The following MOK variants were observed in gnomAD, a reference collection of about 807,000 sequenced individuals.
The protein encoded by MOK is MAPK/MAK/MRK overlapping kinase.
MOK carries 59 observed loss-of-function variants against 54.2 expected under a neutral mutation model. That is an observed-to-expected ratio of 1.09 (90% CI 0.88 to 1.35). The LOEUF (loss-of-function observed/expected upper bound fraction) is 1.35, where lower values mean the gene tolerates loss of function less well. Among genes scored for constraint, MOK ranks in the 40% most tolerant of loss-of-function variants. MOK has a pLI of 0.00. For synonymous variants in MOK, 210 were observed against 202.7 expected (o/e 1.04, Z -0.31); for missense variants, 517 against 526.2 (o/e 0.98, Z 0.17).
At chr14:102,287,592 G>A (rs2070269851) in intron 1 of MOK, among the ~76,000 whole-genome samples, 1 of 152,098 alleles carries the variant, frequency 6.6e-6, no homozygotes, top group South Asian at 2.1e-4. Context: ...CTCCAAAGAA[G>A]ACATAAAAAT....
intron 2 of MOK, chr14:102,280,654 A>T (rs2069319013): frequency 6.6e-6 from 1 of 152,242 alleles, no homozygotes; most frequent in South Asian, 2.1e-4. Context: ...CCACCTTGTT[A>T]GCTTTCTGTT....
chr14:102,277,610 T>C (rs1205094733), intron 2 of MOK, among the ~76,000 whole-genome samples: 1 of 144,080 alleles, frequency 6.9e-6, no homozygotes, highest in Non-Finnish European at 1.5e-5. Context: ...AGAGCAAGAC[T>C]CCGTCTCAAA....
chr14:102,265,627 C>T (rs748827514), intron 3 of MOK, among the ~76,000 whole-genome samples, 196 bp downstream of exon 3: 4 of 151,840 alleles, frequency 2.6e-5, no homozygotes, highest in African/African-American at 4.8e-5. Flanking sequence ...AGAGAGACTC[C>T]TTCTCAAAAA....
intron 2 of MOK, among the ~76,000 whole-genome samples, chr14:102,266,400 G>A (rs1009477983): frequency 1.3e-5 from 2 of 151,322 alleles, no homozygotes; most frequent in Non-Finnish European, 2.9e-5. Context: ...AACCTTCCAG[G>A]CTCAGGTGAT....
intron 4 of MOK, among the ~76,000 whole-genome samples, chr14:102,252,484 T>C (rs1234522897): frequency 6.6e-6 from 1 of 152,056 alleles, no homozygotes; most frequent in African/African-American, 2.4e-5. Context: ...AATGGCATGA[T>C]CTCATTTAAA....
chr14:102,217,678 G>C, the MOK span, among the ~76,000 whole-genome samples: 1 of 152,228 alleles, frequency 6.6e-6, no homozygotes, highest in East Asian at 1.9e-4. Context: ...TTCGGGTGCC[G>C]TGAATAAACC....
intron 2 of MOK, among the ~76,000 whole-genome samples, chr14:102,271,359 C>T (rs1038709794): frequency 5.9e-5 from 9 of 152,034 alleles, no homozygotes; most frequent in South Asian, 2.1e-4. Context: ...TTTATCACTA[C>T]GAATGATGTT....
At chr14:102,216,668 G>A in the MOK span, among the ~76,000 whole-genome samples, 1 of 152,220 alleles carries the variant, frequency 6.6e-6, no homozygotes, top group African/African-American at 2.4e-5. Context: ...GGTGGCTCAT[G>A]CCTGTAATCC....
At position 102,305,088 on chromosome 14, in the gene MOK, G is replaced by T. The variant is rs991111107; in HGVS notation, c.-120C>A. The stretch of plus-strand genomic sequence containing the variant: ...CGGGGTCCCGCACTAGGATCTCCGT[G>T]GTGGTCCCTCGAAGGAGAGCGTTAG... On this transcript the variant is annotated 5_prime_UTR_variant, in exon 1 of 12. Transcript: ENST00000361847. 2.5e-6 allele frequency: 3 copies of T among 1,213,058 alleles called. No homozygotes were observed. The highest frequency in any genetic ancestry group is 2.5e-5 in the East Asian group (1 of 39,486). The allele number at this position is 1,213,058 out of a possible 1,614,324, so 75.1% of individuals were successfully genotyped here. A position where few individuals can be genotyped will look rare whatever the true frequency, so the allele number is the denominator to read the frequency against.
At chr14:102,248,957 G>A (rs1156649131) in intron 7 of MOK, among the ~76,000 whole-genome samples, 1 of 151,974 alleles carries the variant, frequency 6.6e-6, no homozygotes, top group Non-Finnish European at 1.5e-5. Context: ...CCTACAGTCA[G>A]GACATGGCCA....
chr14:102,252,541 CT>C lies in MOK; in HGVS notation c.284-547del, dbSNP rs33915924. ...TAATGGAAAATCCCTTTTTATTTTTCTTTTTGGCAGTTTATAGAGGCTTCTT... is the reference window on the plus strand; with the variant it reads ...TAATGGAAAATCCCTTTTTATTTTTCTTTTGGCAGTTTATAGAGGCTTCTT... On this transcript the variant is annotated intron_variant, in intron 4 of 11. Coordinates refer to ENST00000361847, the MANE Select transcript of MOK (RefSeq NM_014226.3). Among the ~76,000 whole-genome samples the C allele has an allele frequency of 6.4e-3, 975 of 151,466 alleles. 12 individuals carry two copies. The highest frequency in any genetic ancestry group is 0.023 in the African/African-American group (934 of 41,372).
downstream of MOK, among the ~76,000 whole-genome samples, chr14:102,220,719 CAAAAAA>C (rs35097607): frequency 2.0e-4 from 22 of 111,712 alleles, no homozygotes; most frequent in African/African-American, 6.3e-4. The surrounding 1 kb of genome is among the most constrained non-coding windows in gnomAD (Gnocchi z 4.2). Context: ...GACTCCGTCT[CAAAAAA>C]AAAAAAAAAA....
At chr14:102,278,628 G>A (rs930276987) in intron 2 of MOK, 12 of 454,148 alleles carry the variant, frequency 2.6e-5, no homozygotes, top group African/African-American at 1.8e-4. Flanking sequence ...TCAGCTCCAC[G>A]ACGTGTAGGT....
At chr14:102,228,571 A>G (rs993501369), downstream of MOK, among the ~76,000 whole-genome samples, 2 of 152,028 alleles carry the variant, frequency 1.3e-5, no homozygotes, top group Non-Finnish European at 2.9e-5. Flanking sequence ...GTGGTGGTGC[A>G]TGCACGTAAT....
chr14:102,250,367 G>C (rs1250203736), intron 7 of MOK, among the ~76,000 whole-genome samples: 1 of 152,164 alleles, frequency 6.6e-6, no homozygotes, highest in East Asian at 1.9e-4. Flanking sequence ...GGGAGTGGGG[G>C]GTTTGGAGGA....
chr14:102,251,748 GCT>G lies in MOK; in HGVS notation c.411+6_411+7del. 1 of 1,563,800 alleles carries G rather than the reference GCT, an allele frequency of 6.4e-7. No individual in the cohort carries two copies. The highest frequency in any genetic ancestry group is 8.8e-7 in the Non-Finnish European group (1 of 1,136,614). ...TCTGATACCCAGCTTTCATGTAAAA[GCT>G]CTTACCTTTATTAGTATATTTTCTG... On this transcript the variant is annotated splice_donor_region_variant and intron_variant, in intron 6 of 11. Transcript: ENST00000361847.
intron 1 of MOK, among the ~76,000 whole-genome samples, chr14:102,302,214 A>G (rs933496583): frequency 6.6e-6 from 1 of 150,548 alleles, no homozygotes; most frequent in African/African-American, 2.4e-5. Context: ...CTGGGATTAC[A>G]GGCACCTGCC....
Position 102,229,453 on chromosome 14 carries a change from C to G in MOK, c.1182+4G>C. The G allele has an allele frequency of 6.2e-7, 1 of 1,614,210 alleles. No individual in the cohort carries two copies. Among genetic ancestry groups the G allele is most frequent in the Non-Finnish European group, 8.5e-7 (1 of 1,180,042 alleles). ...CGCCGTCAGAGAAGCTGGTTCCGCGCTACCTTCTTGCTCGCAGGGATGCAC... is the reference window on the plus strand; with the variant it reads ...CGCCGTCAGAGAAGCTGGTTCCGCGGTACCTTCTTGCTCGCAGGGATGCAC... On this transcript the variant is annotated splice_donor_region_variant and intron_variant, in intron 11 of 11. Coordinates refer to ENST00000361847, the MANE Select transcript of MOK (RefSeq NM_014226.3).
chr14:102,293,023 C>T (rs2070941422), intron 1 of MOK, among the ~76,000 whole-genome samples: 1 of 152,164 alleles, frequency 6.6e-6, no homozygotes, highest in African/African-American at 2.4e-5. Flanking sequence ...ATCCCAGCTG[C>T]TAGCAAGGCT....
Sources: gnomAD v4.1 joint callset for allele counts (sites outside exome capture counted in the v4.1 genomes callset) on GRCh38, gnomAD v4.1.1 for gene constraint, Gnocchi (gnomAD v3.1) non-coding constraint, MANE v1.5 for transcripts, NCBI Gene and HGNC (gene_info 2026-07-23, HGNC 2026-07-21) for gene names.